The following ME3 variants were observed in gnomAD, a reference collection of about 807,000 sequenced individuals.
ME3 encodes the protein NADP-dependent malic enzyme, mitochondrial.
In ME3, 48 loss-of-function variants were observed where a neutral mutation model predicts 68.9. The observed-to-expected ratio is 0.70, with a 90% CI of 0.55 to 0.89. The LOEUF (loss-of-function observed/expected upper bound fraction) is 0.89. ME3 is among the 40% of genes least tolerant of loss of function. The pLI, the probability that ME3 is intolerant of heterozygous loss-of-function variation, is 0.00. For synonymous variants in ME3, 320 were observed against 318.8 expected (o/e 1.00, Z -0.04); for missense variants, 675 against 797.4 (o/e 0.85, Z 1.85).
At chr11:86,634,915 C>CAAT (rs1944238435) in intron 2 of ME3, among the ~76,000 whole-genome samples, 1 of 151,162 alleles carries the variant, frequency 6.6e-6, no homozygotes, top group East Asian at 1.9e-4. Context: ...AGAATAACAA[C>CAAT]AACAACAACA....
At chr11:86,532,827 A>C (rs1330591831) in intron 4 of ME3, among the ~76,000 whole-genome samples, 1 of 152,224 alleles carries the variant, frequency 6.6e-6, no homozygotes, top group Non-Finnish European at 1.5e-5. Context: ...TGGGAGACCA[A>C]GGTGGGCGGA....
intron 2 of ME3, among the ~76,000 whole-genome samples, chr11:86,639,808 T>C (rs149974620): frequency 2.2e-4 from 34 of 152,362 alleles, no homozygotes; most frequent in Admixed American, 1.2e-3. Flanking sequence ...AAACATAGTT[T>C]TGCTTTCAGG....
chr11:86,671,094 G>A (rs1343375594), intron 2 of ME3, among the ~76,000 whole-genome samples: 1 of 152,188 alleles, frequency 6.6e-6, no homozygotes, highest in African/African-American at 2.4e-5. Context: ...CAAAGCATTG[G>A]AGATCTGGAT....
At position 86,559,782 on chromosome 11, in the gene ME3, G is replaced by T; in HGVS notation, c.225C>A (p.Ile75=). 3 of 1,614,066 alleles carry T rather than the reference G, an allele frequency of 1.9e-6. No individual in the cohort carries two copies. In the South Asian group the frequency reaches 3.3e-5, roughly 18 times the overall value. Residue 75 remains isoleucine (I), a synonymous_variant, in exon 3 of 15, where the codon ATC becomes ATA. Coordinates refer to ENST00000543262, the Ensembl canonical transcript of ME3. ...GAAAGCAGGGCGGGATTAGGCCGTG[G>T]ATTCCAAGCTGCAGCCTTTCTTCAA...
chr11:86,440,487 C>A (rs895542493), downstream of ME3, among the ~76,000 whole-genome samples: 1 of 152,152 alleles, frequency 6.6e-6, no homozygotes, highest in Non-Finnish European at 1.5e-5. Context: ...ATCAAGTCTT[C>A]CCTAGATCTC....
intron 2 of ME3, among the ~76,000 whole-genome samples, chr11:86,625,356 C>T (rs1177313240): frequency 6.6e-6 from 1 of 151,712 alleles, no homozygotes; most frequent in African/African-American, 2.4e-5. Flanking sequence ...AACTCAAAGA[C>T]CCCAAGGAAC....
intron 2 of ME3, among the ~76,000 whole-genome samples, chr11:86,634,580 GACTGGTAGCATTTTAGTCCCAT>G (rs1320623188): frequency 6.6e-6 from 1 of 152,166 alleles, no homozygotes; most frequent in East Asian, 1.9e-4. Flanking sequence ...AACAAAGAAT[GACTGGTAGCATTTTAGTCCCAT>G]ACCTGGGGTA....
At position 86,505,143 on chromosome 11, in the gene ME3, C is replaced by A. The variant is rs1362907968; in HGVS notation, c.543+3649G>T. Among the ~76,000 whole-genome samples, 3 of 152,120 alleles carry A rather than the reference C, an allele frequency of 2.0e-5. No individual in the cohort carries two copies. In the East Asian group the frequency reaches 5.8e-4, roughly 29 times the overall value. On this transcript the variant is annotated intron_variant, in intron 5 of 14. Transcript: ENST00000543262. ...TGAAAGAATGATGAGCAGAGACTCCCTACCTAGGTAGGGAGACCTTCCTCT... is the reference window on the plus strand; with the variant it reads ...TGAAAGAATGATGAGCAGAGACTCCATACCTAGGTAGGGAGACCTTCCTCT...
At chr11:86,569,747 T>G (rs1040062797) in intron 2 of ME3, among the ~76,000 whole-genome samples, 3 of 152,204 alleles carry the variant, frequency 2.0e-5, no homozygotes, top group Admixed American at 1.3e-4. Context: ...GTATGATGAT[T>G]ATTATCCCCA....
At chr11:86,435,871 G>A in the ME3 span, 1 of 152,254 alleles carries the variant, frequency 6.6e-6, no homozygotes, top group Non-Finnish European at 1.5e-5. Flanking sequence ...GAATCAACCA[G>A]TCATTGCCTG....
chr11:86,562,538 C>T (rs1211983144), intron 2 of ME3, among the ~76,000 whole-genome samples: 1 of 152,176 alleles, frequency 6.6e-6, no homozygotes, highest in Non-Finnish European at 1.5e-5. Flanking sequence ...GCTCTACATC[C>T]TCTCCAGCAA....
At chr11:86,528,599 G>C (rs1260785303) in intron 4 of ME3, among the ~76,000 whole-genome samples, 3 of 152,026 alleles carry the variant, frequency 2.0e-5, no homozygotes, top group Non-Finnish European at 4.4e-5. Flanking sequence ...TGACCACATA[G>C]TTGGAAGTAA....
chr11:86,660,421 C>T (rs1946199058), intron 2 of ME3, among the ~76,000 whole-genome samples: 1 of 152,214 alleles, frequency 6.6e-6, no homozygotes, highest in African/African-American at 2.4e-5. Context: ...TTACCATCTG[C>T]TTTACATACA....
At chr11:86,530,587 G>C (rs934092520) in intron 4 of ME3, among the ~76,000 whole-genome samples, 3 of 152,162 alleles carry the variant, frequency 2.0e-5, no homozygotes, top group African/African-American at 7.2e-5. Context: ...CACGCTACCT[G>C]ACTTCAAACT....
At chr11:86,533,765 T>G in intron 4 of ME3, among the ~76,000 whole-genome samples, 1 of 152,186 alleles carries the variant, frequency 6.6e-6, no homozygotes, top group Admixed American at 6.5e-5. Flanking sequence ...AGTGGATGTA[T>G]GTTTTGGAAA....
At chr11:86,627,325 C>G (rs993913721) in intron 2 of ME3, among the ~76,000 whole-genome samples, 1 of 152,162 alleles carries the variant, frequency 6.6e-6, no homozygotes, top group Non-Finnish European at 1.5e-5. Context: ...TAACAAATCT[C>G]AATTTCTCAT....
chr11:86,470,029 G>A (rs1950698684), intron 7 of ME3, among the ~76,000 whole-genome samples: 1 of 152,094 alleles, frequency 6.6e-6, no homozygotes, highest in African/African-American at 2.4e-5. Context: ...GAGGGTCTGA[G>A]GTGGCTGTTC....
At chr11:86,593,119 C>A (rs890951523) in intron 2 of ME3, among the ~76,000 whole-genome samples, 1 of 152,178 alleles carries the variant, frequency 6.6e-6, no homozygotes, top group Non-Finnish European at 1.5e-5. Flanking sequence ...GAAAATGACT[C>A]ATTTCTGTAT....
intron 2 of ME3, among the ~76,000 whole-genome samples, chr11:86,638,063 C>T (rs1399564359): frequency 6.6e-6 from 1 of 151,806 alleles, no homozygotes; most frequent in East Asian, 1.9e-4. Flanking sequence ...CACATGGCTC[C>T]CAGCTTCCCA....
Sources: allele counts gnomAD v4.1 joint callset (sites outside exome capture counted in the v4.1 genomes callset), GRCh38; gene constraint gnomAD v4.1.1; transcripts MANE v1.5; gene names NCBI Gene and HGNC (gene_info 2026-07-23, HGNC 2026-07-21).